The following OXCT1 variants were observed in gnomAD, a reference collection of about 807,000 sequenced individuals.
OXCT1 encodes the protein succinyl-CoA:3-ketoacid coenzyme A transferase 1, mitochondrial.
A neutral mutation model predicts 69.6 loss-of-function variants in OXCT1; 27 were observed. The observed-to-expected ratio is 0.39, with a 90% CI of 0.29 to 0.54. The LOEUF is 0.54. OXCT1 is among the 20% of genes least tolerant of loss of function. OXCT1 has a pLI of 0.72. For synonymous variants in OXCT1, 202 were observed against 217.8 expected (o/e 0.93, Z 0.64); for missense variants, 437 against 650.2 (o/e 0.67, Z 3.57).
chr5:41,861,259 A>C (rs1749719017), intron 3 of OXCT1, 55 bp downstream of exon 3: 1 of 1,075,626 alleles, frequency 9.3e-7, no homozygotes, highest in African/African-American at 1.5e-5. Context: ...ACTCTGTTTA[A>C]ATATTAAGAA....
chr5:41,738,317 G>A (rs1742989955), intron 16 of OXCT1, among the ~76,000 whole-genome samples: 1 of 152,078 alleles, frequency 6.6e-6, no homozygotes, highest in Admixed American at 6.5e-5. Flanking sequence ...ATCTTGATTT[G>A]GAGCTCCCAT....
intron 15 of OXCT1, among the ~76,000 whole-genome samples, chr5:41,747,453 T>G (rs1743553383): frequency 6.6e-6 from 1 of 152,134 alleles, no homozygotes; most frequent in Non-Finnish European, 1.5e-5. Flanking sequence ...TGCCAAGTGT[T>G]AGATAAACAA....
chr5:41,833,182 G>T (rs1748181177), intron 7 of OXCT1, among the ~76,000 whole-genome samples: 1 of 152,046 alleles, frequency 6.6e-6, no homozygotes, highest in Non-Finnish European at 1.5e-5. Context: ...TTTAACCCAA[G>T]GAAGACTACC....
intron 7 of OXCT1, among the ~76,000 whole-genome samples, chr5:41,835,849 G>A (rs1394800678): frequency 2.0e-5 from 3 of 152,100 alleles, no homozygotes; most frequent in Non-Finnish European, 2.9e-5. Flanking sequence ...CTGACAGCAC[G>A]TGCATGCCAG....
chr5:41,787,077 C>G (rs563945663), intron 13 of OXCT1, among the ~76,000 whole-genome samples: 1 of 152,060 alleles, frequency 6.6e-6, no homozygotes, highest in Non-Finnish European at 1.5e-5. Flanking sequence ...AAAGCTGATA[C>G]CAGTGTTGGT....
At chr5:41,771,279 A>G (rs890601758) in intron 13 of OXCT1, among the ~76,000 whole-genome samples, 6 of 152,208 alleles carry the variant, frequency 3.9e-5, no homozygotes, top group African/African-American at 1.4e-4. Flanking sequence ...TGCATACAAA[A>G]TTGTCATTAA....
At chr5:41,807,564 T>G (rs1746746754) in intron 7 of OXCT1, 126 bp from the exon 8 acceptor site, 1 of 672,530 alleles carries the variant, frequency 1.5e-6, no homozygotes, top group African/African-American at 1.8e-5. Flanking sequence ...TATGGACATA[T>G]ATCTATGTAT....
chr5:41,853,316 C>A, intron 4 of OXCT1, 103 bp downstream of exon 4: 1 of 1,012,212 alleles, frequency 9.9e-7, no homozygotes, highest in South Asian at 1.3e-5. Context: ...TGGCAAAGTA[C>A]TATTCCTTCT....
intron 7 of OXCT1, among the ~76,000 whole-genome samples, chr5:41,835,488 T>C (rs1748308113): frequency 6.6e-6 from 1 of 152,238 alleles, no homozygotes; most frequent in Non-Finnish European, 1.5e-5. Context: ...CTAATTCTTA[T>C]ATTAGATGGG....
chr5:41,838,218 G>A (rs72746966), intron 7 of OXCT1, among the ~76,000 whole-genome samples: 5,554 of 152,216 alleles, frequency 0.036, 144 homozygotes, highest in Non-Finnish European at 0.053. Flanking sequence ...TGGAGGTCCA[G>A]GGTACTCACT....
chr5:41,867,971 C>T (rs1452776849), intron 1 of OXCT1, among the ~76,000 whole-genome samples: 1 of 152,216 alleles, frequency 6.6e-6, no homozygotes, highest in African/African-American at 2.4e-5. Flanking sequence ...AAGGGGCAGT[C>T]AGTCCCCAGA....
intron 15 of OXCT1, 134 bp from the exon 16 acceptor site, chr5:41,739,625 G>A (rs2111996442): frequency 1.5e-6 from 1 of 670,166 alleles, no homozygotes; most frequent in South Asian, 1.5e-5. Context: ...CAGCATTTTG[G>A]TAGGCTTAGG....
Position 41,803,144 on chromosome 5 carries a change from G to T in OXCT1, c.975C>A (p.Ile325=). The T allele has an allele frequency of 1.9e-6, 3 of 1,610,372 alleles. No homozygotes were observed. The highest frequency in any genetic ancestry group is 2.5e-6 in the Non-Finnish European group (3 of 1,177,104). ...TGATAAAATTGCTGGCCAGGAGAGG[G>T]ATTCCTATGCCCAAATTAGCTGGAA... ...DGMYANLGIG[I]PLLASNFISP... The change falls in exon 10 of 17, where the codon ATC becomes ATA. Residue 325 remains isoleucine (I), a synonymous_variant. Transcript: ENST00000196371.
At chr5:41,861,998 G>A (rs1160052454) in intron 2 of OXCT1, among the ~76,000 whole-genome samples, 1 of 152,162 alleles carries the variant, frequency 6.6e-6, no homozygotes, top group East Asian at 1.9e-4. Context: ...ATGACTAGAG[G>A]TCAGGAGTTT....
chr5:41,791,750 A>G (rs1272195836), intron 13 of OXCT1, among the ~76,000 whole-genome samples: 2 of 152,106 alleles, frequency 1.3e-5, no homozygotes, highest in African/African-American at 2.4e-5. Context: ...CATAGGACCC[A>G]ATGCTTTTCT....
Position 41,862,734 on chromosome 5 carries a change from A to G in OXCT1, c.95T>C (p.Phe32Ser). 1.2e-6 allele frequency: 2 copies of G among 1,610,216 alleles called. No homozygotes were observed. Among genetic ancestry groups the G allele is most frequent in the Non-Finnish European group, 1.7e-6 (2 of 1,176,616 alleles). ...GGTATGGCGATGAGCACTGGTGGAA[A>G]AGGAACAAACACATCCCTGAAATAT... ...ATWYKGCVCSFSTSAHRHTKF... is the reference protein window; with the variant it reads ...ATWYKGCVCSSSTSAHRHTKF... The change falls in exon 2 of 17, where the codon TTT becomes TCT. Residue 32 changes from phenylalanine (F) to serine (S), a missense_variant. By Grantham distance (155) the Phe-to-Ser change is radical. Around this residue, in one of 4 missense-constraint regions of OXCT1, gnomAD observed 79 missense variants for 61.5 expected, o/e 1.28. Coordinates refer to ENST00000196371, the MANE Select transcript of OXCT1 (RefSeq NM_000436.4).
At chr5:41,750,135 G>GTTTTTTTTTTTTTTTTTTTTTTTTTTCT (rs11291155) in intron 14 of OXCT1, among the ~76,000 whole-genome samples, 1 of 73,924 alleles carries the variant, frequency 1.4e-5, no homozygotes, top group Non-Finnish European at 2.5e-5. Flanking sequence ...GTGTTTTTTG[G>GTTTTTTTTTTTTTTTTTTTTTTTTTTCT]TTTTTTTTTT....
At chr5:41,826,367 TTACAATG>T (rs1289088507) in intron 7 of OXCT1, among the ~76,000 whole-genome samples, 1 of 152,166 alleles carries the variant, frequency 6.6e-6, no homozygotes, top group Non-Finnish European at 1.5e-5. Context: ...CAGCTGCCAT[TTACAATG>T]TAGTTCAATA....
At chr5:41,743,099 T>C (rs1048196519) in intron 15 of OXCT1, among the ~76,000 whole-genome samples, 12 of 152,194 alleles carry the variant, frequency 7.9e-5, no homozygotes, top group African/African-American at 2.7e-4. Flanking sequence ...CCACCAACAG[T>C]GTAAAAGTGT....
Sources: allele counts gnomAD v4.1 joint callset (sites outside exome capture counted in the v4.1 genomes callset), GRCh38; gene constraint gnomAD v4.1.1; regional missense constraint gnomAD v4.1.1; transcripts MANE v1.5; gene names NCBI Gene and HGNC (gene_info 2026-07-23, HGNC 2026-07-21).